PCDHGA1: variants seen among roughly 807,000 people sequenced by gnomAD.
PCDHGA1 encodes protocadherin gamma-A1.
PCDHGA1 carries 32 observed loss-of-function variants against 58.0 expected under a neutral mutation model. That is an observed-to-expected ratio of 0.55 (90% confidence interval 0.42 to 0.74). The LOEUF is 0.74. Among genes scored for constraint, PCDHGA1 ranks in the 30% least tolerant of loss-of-function variants. The pLI is 0.00. For synonymous variants in PCDHGA1, 498 were observed against 501.1 expected (o/e 0.99, Z 0.08); for missense variants, 1,205 against 1,182.3 (o/e 1.02, Z -0.28).
intron 1 of PCDHGA1, among the ~76,000 whole-genome samples, chr5:141,439,595 G>A (rs752771969): frequency 3.9e-5 from 6 of 152,192 alleles, no homozygotes; most frequent in Non-Finnish European, 5.9e-5. Flanking sequence ...CTGTTGGCCA[G>A]TCTGGAAACA....
At chr5:141,500,370 G>C (rs766183384) in intron 2 of PCDHGA1, among the ~76,000 whole-genome samples, 1 of 151,644 alleles carries the variant, frequency 6.6e-6, no homozygotes, top group Non-Finnish European at 1.5e-5. Flanking sequence ...TACCACGCCC[G>C]GCTAATTATT....
At chr5:141,459,375 C>T (rs973503237) in intron 1 of PCDHGA1, among the ~76,000 whole-genome samples, 2 of 152,194 alleles carry the variant, frequency 1.3e-5, no homozygotes, top group African/African-American at 4.8e-5. Flanking sequence ...GTATCAGCAG[C>T]GTGTTCCATT....
chr5:141,366,288 C>A (rs1020562585), intron 1 of PCDHGA1: 2 of 1,613,748 alleles, frequency 1.2e-6, no homozygotes, highest in Non-Finnish European at 1.7e-6. Context: ...GGCCAGCCCC[C>A]TCTGTCAGCC....
chr5:141,351,039 G>A lies in PCDHGA1; in HGVS notation c.2421+17934G>A, dbSNP rs369123623. The A allele has an allele frequency of 1.7e-5, 27 of 1,613,958 alleles. No individual in the cohort carries two copies. In the Middle Eastern group the frequency reaches 4.9e-4, roughly 29 times the overall value. On this transcript the variant is annotated intron_variant, in intron 1 of 3. Coordinates refer to ENST00000517417, the MANE Select transcript of PCDHGA1 (RefSeq NM_018912.3). The stretch of plus-strand genomic sequence containing the variant: ...GTACCGTGGGGAACCTCCGTGCTGC[G>A]GGTGATGGCCACAGACCAGGATGAG...
intron 1 of PCDHGA1, chr5:141,396,168 T>C (rs2093349513): frequency 2.0e-5 from 3 of 152,184 alleles, no homozygotes; most frequent in Admixed American, 2.0e-4. Flanking sequence ...AGTTATTCAG[T>C]CTTGGCTGGA....
chr5:141,393,057 G>A lies in PCDHGA1; in HGVS notation c.2421+59952G>A, dbSNP rs1273747847. On this transcript the variant is annotated intron_variant, in intron 1 of 3. Transcript: ENST00000517417. ...GCTCTTTGCTCTGAACCCGCGCAGC[G>A]GCAGCTTGATCACCGCGGGCAGGAT... 6 of 1,613,514 alleles carry A rather than the reference G, an allele frequency of 3.7e-6. No homozygotes were observed. The African/African-American group carries it at 4.0e-5, about 11-fold the overall frequency.
chr5:141,404,579 A>G (rs1390358900), intron 1 of PCDHGA1: 1 of 1,614,002 alleles, frequency 6.2e-7, no homozygotes, highest in Non-Finnish European at 8.5e-7. Flanking sequence ...CCCACCACTT[A>G]GCAGCAATGT....
intron 1 of PCDHGA1, chr5:141,372,029 C>A (rs576761049): frequency 2.7e-5 from 43 of 1,613,324 alleles, no homozygotes; most frequent in Non-Finnish European, 3.2e-5. Context: ...TCAGCGCCAA[C>A]GTGAGCCTGC....
At chr5:141,454,267 A>G (rs1270638226) in intron 1 of PCDHGA1, among the ~76,000 whole-genome samples, 1 of 152,254 alleles carries the variant, frequency 6.6e-6, no homozygotes, top group Non-Finnish European at 1.5e-5. Context: ...AAGTAATGCC[A>G]GCAAAAACTT....
chr5:141,339,447 A>T (rs1309099360), intron 1 of PCDHGA1: 2 of 1,614,242 alleles, frequency 1.2e-6, no homozygotes, highest in African/African-American at 1.3e-5. Context: ...AATGCGCATG[A>T]TGCAGACGTA....
At chr5:141,465,792 T>A (rs1262092940) in intron 1 of PCDHGA1, among the ~76,000 whole-genome samples, 2 of 152,018 alleles carry the variant, frequency 1.3e-5, no homozygotes, top group Non-Finnish European at 2.9e-5. Flanking sequence ...TTTTTTTTTT[T>A]AAGAAACCCT....
At position 141,476,602 on chromosome 5, in the gene PCDHGA1, C is replaced by T; in HGVS notation, c.2422-18205C>T. 6.2e-7 allele frequency: 1 copy of T among 1,614,208 alleles called. No homozygotes were observed. Among genetic ancestry groups the T allele is most frequent in the Middle Eastern group, 1.6e-4 (1 of 6,062 alleles). Reference sequence around the variant, plus strand: ...TTCCGCTCGAGAGCGCGCACGATCCCGATGTGGGAAGCAACTCTTTACAAA... The same window carrying T: ...TTCCGCTCGAGAGCGCGCACGATCCTGATGTGGGAAGCAACTCTTTACAAA... On this transcript the variant is annotated intron_variant, in intron 1 of 3. Coordinates refer to ENST00000517417, the MANE Select transcript of PCDHGA1 (RefSeq NM_018912.3). The surrounding 1 kb of genome is among the most constrained non-coding windows in gnomAD (Gnocchi z 7.6).
At chr5:141,388,351 C>A in intron 1 of PCDHGA1, 1 of 1,614,016 alleles carries the variant, frequency 6.2e-7, no homozygotes. Flanking sequence ...ATATTAGGAT[C>A]TGCCCATGAT....
chr5:141,357,170 C>A (rs1760495778), intron 1 of PCDHGA1: 1 of 1,613,716 alleles, frequency 6.2e-7, no homozygotes, highest in South Asian at 1.1e-5. Flanking sequence ...CTCTCGGCCA[C>A]CGTCACACTC....
In PCDHGA1 at chr5:141,374,846, C is replaced by T. The variant is rs1473498001; in HGVS notation, c.2421+41741C>T. 4.3e-6 allele frequency: 7 copies of T among 1,613,724 alleles called. No individual in the cohort carries two copies. In the African/African-American group the frequency reaches 8.0e-5, roughly 18 times the overall value. On this transcript the variant is annotated intron_variant, in intron 1 of 3. Coordinates refer to ENST00000517417, the MANE Select transcript of PCDHGA1 (RefSeq NM_018912.3). ...CTACCGTGTAAGTGTTCCTGAAAAC[C>T]TGCCAGTAGGCACACCAGTGTTGGC...
At position 141,345,619 on chromosome 5, in the gene PCDHGA1, A is replaced by G. The variant is rs774615318; in HGVS notation, c.2421+12514A>G. On this transcript the variant is annotated intron_variant, in intron 1 of 3. Transcript: ENST00000517417. ...GACTACGAGCAATTTAGAGACTTAA[A>G]GCTACTGGTGACAGCCAGCGACAGC... 8.1e-6 allele frequency: 13 copies of G among 1,614,204 alleles called. 1 individual carries two copies. Among genetic ancestry groups the G allele is most frequent in the Non-Finnish European group, 1.1e-5 (13 of 1,180,040 alleles).
chr5:141,372,172 C>T (rs1474578874), intron 1 of PCDHGA1: 17 of 1,613,604 alleles, frequency 1.1e-5, no homozygotes, highest in African/African-American at 4.0e-5. Context: ...AAGGTGGTGG[C>T]GGTGGACGCA....
chr5:141,459,947 A>T (rs2098978538), intron 1 of PCDHGA1, among the ~76,000 whole-genome samples: 1 of 152,200 alleles, frequency 6.6e-6, no homozygotes, highest in African/African-American at 2.4e-5. Context: ...GCGTGATGGC[A>T]GGTGCCTGTA....
Position 141,419,652 on chromosome 5 carries a change from C to T in PCDHGA1, c.2422-75155C>T, listed in dbSNP as rs563445438. 15 of 1,612,592 alleles carry T rather than the reference C, an allele frequency of 9.3e-6. 1 individual carries two copies. In the Admixed American group the frequency reaches 1.3e-4, roughly 14 times the overall value. On this transcript the variant is annotated intron_variant, in intron 1 of 3. Transcript: ENST00000517417. ...AAGGTGGTGGCCGTGGACGCGGACT[C>T]GGGGCACAATGCCTGGCTGTCCTAC... is the stretch of plus-strand genomic sequence containing the variant.
Sources: allele counts gnomAD v4.1 joint callset (sites outside exome capture counted in the v4.1 genomes callset), GRCh38; gene constraint gnomAD v4.1.1; non-coding constraint Gnocchi (gnomAD v3.1); transcripts MANE v1.5; gene names NCBI Gene and HGNC (gene_info 2026-07-23, HGNC 2026-07-21).